RGS22: variants seen among roughly 807,000 people sequenced by gnomAD.
The protein encoded by RGS22 is regulator of G protein signaling 22.
RGS22 carries 148 observed loss-of-function variants against 172.9 expected under a neutral mutation model. That is an observed-to-expected ratio of 0.86 (90% CI 0.75 to 0.98). RGS22 has a LOEUF of 0.98. Among genes scored for constraint, RGS22 ranks in the 50% least tolerant of loss-of-function variants. RGS22 has a pLI of 0.00. For synonymous variants in RGS22, 458 were observed against 480.2 expected (o/e 0.95, Z 0.60); for missense variants, 1,347 against 1,440.8 (o/e 0.93, Z 1.05).
Position 100,006,027 on chromosome 8 carries a change from T to C in RGS22, c.2444A>G (p.Lys815Arg), listed in dbSNP as rs1391759147. 7.4e-6 allele frequency: 12 copies of C among 1,612,748 alleles called. No homozygotes were observed. The Admixed American group carries it at 1.0e-4, about 13-fold the overall frequency. Residue 815 changes from lysine to arginine, a missense_variant, in exon 16 of 28, where the codon AAG becomes AGG. Coordinates refer to ENST00000360863, the MANE Select transcript of RGS22 (RefSeq NM_015668.5). ...LQALHKETFS[K>R]KAEDTTCEIG... is the part of the protein sequence containing the mutation. Reference sequence around the variant, plus strand: ...AGAAAGTTGCCTTACCTCAGCTTTCTTGGAAAATGTCTCTTTATGCAAAGC... The same window carrying C: ...AGAAAGTTGCCTTACCTCAGCTTTCCTGGAAAATGTCTCTTTATGCAAAGC...
chr8:100,032,197 G>GC (rs1316385266), intron 14 of RGS22, among the ~76,000 whole-genome samples: 1 of 152,032 alleles, frequency 6.6e-6, no homozygotes, highest in African/African-American at 2.4e-5. Flanking sequence ...TGGGCTAAAT[G>GC]CCCCAATTAA....
chr8:100,044,421 A>G (rs1444478153), intron 11 of RGS22, among the ~76,000 whole-genome samples: 1 of 152,066 alleles, frequency 6.6e-6, no homozygotes, highest in African/African-American at 2.4e-5. Flanking sequence ...TAATTTTTGT[A>G]TATTTAGTAG....
At chr8:99,964,698 ATAGT>A (rs1311487719) in intron 24 of RGS22, among the ~76,000 whole-genome samples, 5 of 152,328 alleles carry the variant, frequency 3.3e-5, no homozygotes, top group Middle Eastern at 3.4e-3. Flanking sequence ...TAATAGCTTC[ATAGT>A]TAGCCAGTTA....
chr8:100,021,704 T>C (rs1372159978), intron 14 of RGS22, among the ~76,000 whole-genome samples: 1 of 151,680 alleles, frequency 6.6e-6, no homozygotes, highest in East Asian at 1.9e-4. Flanking sequence ...TGGGATCTGC[T>C]CAACTGGGCT....
At chr8:100,104,334 G>C (rs1304854876) in intron 2 of RGS22, among the ~76,000 whole-genome samples, 1 of 71,176 alleles carries the variant, frequency 1.4e-5, no homozygotes, top group Admixed American at 2.0e-4. Context: ...ATGTGCGTGT[G>C]TGTGTGTGTG....
chr8:100,069,496 C>G (rs900839706), intron 6 of RGS22, among the ~76,000 whole-genome samples: 4 of 152,224 alleles, frequency 2.6e-5, no homozygotes, highest in Non-Finnish European at 5.9e-5. Flanking sequence ...TAGGTTAAAT[C>G]TCTTCAAATG....
At position 100,031,274 on chromosome 8, in the gene RGS22, A is replaced by AT. The variant is rs201055834; in HGVS notation, c.2166+7656dup. 2.2e-3 allele frequency among the ~76,000 whole-genome samples: 338 copies of AT among 151,374 alleles called. 2 individuals carry two copies. Among genetic ancestry groups the AT allele is most frequent in the East Asian group, 7.5e-3 (39 of 5,176 alleles). ...CATGTCTTCAATGCCACATTCTGTGATTTTTTTTTGCCTTCTACGTCATAT... is the reference window on the plus strand; with the variant it reads ...CATGTCTTCAATGCCACATTCTGTGATTTTTTTTTTGCCTTCTACGTCATAT... On this transcript the variant is annotated intron_variant, in intron 14 of 27. Transcript: ENST00000360863.
rs1415221506 is a variant in RGS22, at chr8:100,022,956, C to A, written c.2167-14387G>T. Among the ~76,000 whole-genome samples the A allele has an allele frequency of 2.0e-5, 3 of 152,016 alleles. No individual in the cohort carries two copies. In the East Asian group the frequency reaches 5.8e-4, roughly 29 times the overall value. ...TGCTGCCCAGGCTGGTCTCGAACTC[C>A]TAGGCTCAAGTGATCTACGTGCCTT... On this transcript the variant is annotated intron_variant, in intron 14 of 27. Coordinates refer to ENST00000360863, the MANE Select transcript of RGS22 (RefSeq NM_015668.5).
At chr8:100,082,943 T>C (rs111278484) in intron 3 of RGS22, among the ~76,000 whole-genome samples, 130 of 152,228 alleles carry the variant, frequency 8.5e-4, no homozygotes, top group African/African-American at 2.9e-3. Context: ...ATAGCCGTAG[T>C]TGGAATAGTT....
intron 9 of RGS22, among the ~76,000 whole-genome samples, chr8:100,058,490 C>T (rs1174739607): frequency 6.6e-6 from 1 of 152,130 alleles, no homozygotes; most frequent in Non-Finnish European, 1.5e-5. Flanking sequence ...AGCTCTAATA[C>T]ATCCAGCAGC....
At chr8:100,034,560 A>G (rs1398934845) in intron 14 of RGS22, among the ~76,000 whole-genome samples, 1 of 152,226 alleles carries the variant, frequency 6.6e-6, no homozygotes, top group African/African-American at 2.4e-5. Flanking sequence ...TTATAGATTC[A>G]ATGCCATCCC....
intron 3 of RGS22, among the ~76,000 whole-genome samples, chr8:100,083,089 T>C (rs76140946): frequency 0.012 from 1,847 of 152,282 alleles, 32 homozygotes; most frequent in African/African-American, 0.039. Flanking sequence ...ACACCCTAAG[T>C]AGGAAAGTAA....
chr8:99,995,420 G>GA (rs1814254636), intron 20 of RGS22, among the ~76,000 whole-genome samples: 1 of 151,916 alleles, frequency 6.6e-6, no homozygotes, highest in South Asian at 2.1e-4. Flanking sequence ...AAATTTACAA[G>GA]AAAAAAACAA....
chr8:99,976,134 G>A (rs1210911375), intron 23 of RGS22, among the ~76,000 whole-genome samples: 1 of 152,038 alleles, frequency 6.6e-6, no homozygotes, highest in Non-Finnish European at 1.5e-5. Flanking sequence ...AGGTTGCAAT[G>A]AGCTGAGATT....
At chr8:100,052,489 G>A (rs998380446) in intron 10 of RGS22, among the ~76,000 whole-genome samples, 3 of 151,570 alleles carry the variant, frequency 2.0e-5, no homozygotes, top group Non-Finnish European at 2.9e-5. Context: ...TTTTAGTAGA[G>A]ACGGGGTTTC....
At chr8:100,068,408 T>C (rs1179204165) in intron 6 of RGS22, among the ~76,000 whole-genome samples, 3 of 152,100 alleles carry the variant, frequency 2.0e-5, no homozygotes, top group Non-Finnish European at 2.9e-5. Context: ...TGTATATATA[T>C]ATACAGTGTT....
At chr8:100,072,356 A>G (rs1168647760) in intron 4 of RGS22, 126 bp from the exon 5 acceptor site, 2 of 547,640 alleles carry the variant, frequency 3.7e-6, no homozygotes, top group Admixed American at 3.6e-5. Context: ...TAGGTCTTCT[A>G]TTTCCACTAG....
intron 3 of RGS22, chr8:100,093,110 GCCATGATCATA>G (rs1812708642): frequency 5.8e-6 from 1 of 172,546 alleles, no homozygotes; most frequent in South Asian, 1.6e-4. Context: ...GCTGCAGCGA[GCCATGATCATA>G]CCACTGCATT....
chr8:100,005,951 C>CATA (rs1815648191), intron 16 of RGS22, 66 bp downstream of exon 16: 1 of 1,118,098 alleles, frequency 8.9e-7, no homozygotes, highest in Non-Finnish European at 1.4e-6. Context: ...CCCCCTGCCC[C>CATA]ATACATAAAG....
Sources: gnomAD v4.1 joint callset for allele counts (sites outside exome capture counted in the v4.1 genomes callset) on GRCh38, gnomAD v4.1.1 for gene constraint, MANE v1.5 for transcripts, NCBI Gene and HGNC (gene_info 2026-07-23, HGNC 2026-07-21) for gene names.